Variants in PXDNL observed in about 807,000 individuals in gnomAD.
The protein encoded by PXDNL is probable oxidoreductase PXDNL.
A neutral mutation model predicts 150.8 loss-of-function variants in PXDNL; 145 were observed. That is an observed-to-expected ratio of 0.96 (90% confidence interval 0.84 to 1.10). The LOEUF (loss-of-function observed/expected upper bound fraction) is 1.10, where lower values mean the gene tolerates loss of function less well. PXDNL is among the 50% of genes least tolerant of loss of function. The pLI is 0.00. For missense variants in PXDNL, 2,087 were observed against 1,873.9 expected (o/e 1.11, Z -2.10); for synonymous variants, 757 against 725.7 (o/e 1.04, Z -0.69).
chr8:51,721,929 C>G (rs966556618), intron 1 of PXDNL: 1 of 255,172 alleles, frequency 3.9e-6, no homozygotes, highest in Non-Finnish European at 7.9e-6. Context: ...AGATACCTGA[C>G]CTTTAGGGTT....
chr8:51,573,594 G>A (rs900214797), intron 3 of PXDNL, among the ~76,000 whole-genome samples: 1 of 151,974 alleles, frequency 6.6e-6, no homozygotes, highest in Non-Finnish European at 1.5e-5. Context: ...GAAGTAACAA[G>A]GAATCTCACC....
chr8:51,357,906 T>C (rs1297369568), intron 19 of PXDNL, among the ~76,000 whole-genome samples: 1 of 152,202 alleles, frequency 6.6e-6, no homozygotes, highest in East Asian at 1.9e-4. Context: ...TGAATTATAA[T>C]GTTCTGAAAG....
intron 3 of PXDNL, among the ~76,000 whole-genome samples, chr8:51,560,696 A>C (rs1812699682): frequency 6.6e-6 from 1 of 152,038 alleles, no homozygotes; most frequent in African/African-American, 2.4e-5. Context: ...AAACATACAG[A>C]GAAAGCTCCA....
At chr8:51,801,707 T>C (rs2037622983) in intron 1 of PXDNL, among the ~76,000 whole-genome samples, 1 of 152,216 alleles carries the variant, frequency 6.6e-6, no homozygotes, top group Non-Finnish European at 1.5e-5. Flanking sequence ...GGTTCCTGCC[T>C]CTCTAGACTT....
intron 8 of PXDNL, among the ~76,000 whole-genome samples, chr8:51,461,208 G>C (rs555444756): frequency 6.6e-6 from 1 of 152,228 alleles, no homozygotes; most frequent in Non-Finnish European, 1.5e-5. Flanking sequence ...TCTGTGACTA[G>C]AGATTGAGCA....
At chr8:51,629,327 A>C (rs1814439013) in intron 2 of PXDNL, among the ~76,000 whole-genome samples, 1 of 152,184 alleles carries the variant, frequency 6.6e-6, no homozygotes, top group Non-Finnish European at 1.5e-5. Context: ...AAAAGAAAGA[A>C]TCAGCACTCT....
At chr8:51,413,375 A>G (rs1408231105) in intron 14 of PXDNL, 117 bp from the exon 15 acceptor site, 2 of 631,798 alleles carry the variant, frequency 3.2e-6, no homozygotes, top group African/African-American at 3.7e-5. Context: ...AACCTCTAAG[A>G]CAATGAAAAT....
chr8:51,664,250 C>G (rs968788688), intron 1 of PXDNL, among the ~76,000 whole-genome samples: 2 of 152,070 alleles, frequency 1.3e-5, no homozygotes, highest in Non-Finnish European at 2.9e-5. Flanking sequence ...ATGTCTTTCA[C>G]TTGGAAACAA....
intron 17 of PXDNL, among the ~76,000 whole-genome samples, chr8:51,402,353 C>A (rs995548526): frequency 6.6e-6 from 1 of 151,992 alleles, no homozygotes; most frequent in African/African-American, 2.4e-5. Context: ...TGGTGAGACC[C>A]AATCTCTACC....
chr8:51,642,153 C>A lies in PXDNL; in HGVS notation c.236+12536G>T, dbSNP rs1157563418. Among the ~76,000 whole-genome samples, 6 of 147,410 alleles carry A rather than the reference C, an allele frequency of 4.1e-5. No homozygotes were observed. The East Asian group carries it at 6.1e-4, about 15-fold the overall frequency. Reference sequence around the variant, plus strand: ...TTCTCACTCATAGGTGGGAATTGAACAATGAGAACACATGGACACAGGAAG... The same window carrying A: ...TTCTCACTCATAGGTGGGAATTGAAAAATGAGAACACATGGACACAGGAAG... On this transcript the variant is annotated intron_variant, in intron 2 of 22. Coordinates refer to ENST00000356297, the MANE Select transcript of PXDNL (RefSeq NM_144651.5).
At chr8:51,605,751 C>T (rs1343638211) in intron 2 of PXDNL, among the ~76,000 whole-genome samples, 3 of 152,154 alleles carry the variant, frequency 2.0e-5, no homozygotes, top group East Asian at 1.9e-4. Context: ...TTAATGAGGG[C>T]CCTGCCCTCA....
chr8:51,487,180 T>G (rs1474542463), intron 5 of PXDNL, among the ~76,000 whole-genome samples: 1 of 152,268 alleles, frequency 6.6e-6, no homozygotes, highest in Middle Eastern at 3.4e-3. Context: ...TCTACTTTTA[T>G]ACAAAGTTTA....
At chr8:51,474,043 T>A (rs539951133) in intron 7 of PXDNL, among the ~76,000 whole-genome samples, 10 of 152,316 alleles carry the variant, frequency 6.6e-5, no homozygotes, top group Non-Finnish European at 1.3e-4. Flanking sequence ...TGGACAAGCT[T>A]GAGAATTTTT....
At chr8:51,678,990 T>G (rs574206716) in intron 1 of PXDNL, among the ~76,000 whole-genome samples, 1 of 152,220 alleles carries the variant, frequency 6.6e-6, no homozygotes, top group African/African-American at 2.4e-5. Flanking sequence ...GGAGAAATGA[T>G]GAGTGAGACA....
At chr8:51,807,328 T>C (rs1215078384) in intron 1 of PXDNL, among the ~76,000 whole-genome samples, 3 of 143,340 alleles carry the variant, frequency 2.1e-5, no homozygotes, top group Non-Finnish European at 4.7e-5. Context: ...AAGAGCTATA[T>C]ACTTTTAAAC....
chr8:51,504,055 CT>C (rs112878505), intron 4 of PXDNL, among the ~76,000 whole-genome samples: 10,340 of 152,170 alleles, frequency 0.068, 420 homozygotes, highest in South Asian at 0.096. Flanking sequence ...GCAATGACCC[CT>C]CTGTCTCCCT....
At chr8:51,513,400 T>G (rs2130354134) in intron 4 of PXDNL, among the ~76,000 whole-genome samples, 1 of 152,310 alleles carries the variant, frequency 6.6e-6, no homozygotes, top group Non-Finnish European at 1.5e-5. Context: ...GGCCCACATC[T>G]TAGTAGCAGG....
chr8:51,794,372 C>T (rs2129258274), intron 1 of PXDNL, among the ~76,000 whole-genome samples: 1 of 152,176 alleles, frequency 6.6e-6, no homozygotes, highest in African/African-American at 2.4e-5. Context: ...ATCAGATTCT[C>T]CAAGGTCAAA....
intron 1 of PXDNL, among the ~76,000 whole-genome samples, chr8:51,707,030 C>T (rs965366504): frequency 8.5e-5 from 13 of 152,250 alleles, no homozygotes; most frequent in South Asian, 8.3e-4. Context: ...TCTACATAGA[C>T]GGTTTTACTA....
Sources: gnomAD v4.1 joint callset for allele counts (sites outside exome capture counted in the v4.1 genomes callset) on GRCh38, gnomAD v4.1.1 for gene constraint, MANE v1.5 for transcripts, NCBI Gene and HGNC (gene_info 2026-07-23, HGNC 2026-07-21) for gene names.